Variants in OR2T11 observed in about 807,000 individuals in gnomAD.
OR2T11 encodes the protein olfactory receptor 2T11.
In OR2T11, 14 loss-of-function variants were observed where a neutral mutation model predicts 13.5. The ratio of observed to expected loss-of-function variants is 1.04; its 90% CI spans 0.69 to 1.62. OR2T11 has a LOEUF of 1.62. Among genes scored for constraint, OR2T11 ranks in the 40% most tolerant of loss-of-function variants. The pLI is 0.00. For synonymous variants in OR2T11, 163 were observed against 154.6 expected, an observed-to-expected ratio of 1.05 and a Z score of -0.40; for missense variants, 410 against 389.7, an observed-to-expected ratio of 1.05 and a Z score of -0.44.
chr1:248,631,653 T>C (rs1660617617), intron 1 of OR2T11, among the ~76,000 whole-genome samples: 1 of 143,240 alleles, frequency 7.0e-6, no homozygotes, highest in Non-Finnish European at 1.5e-5. Context: ...CAACATGAAG[T>C]TAATAATTTT....
rs116649410 is a variant in OR2T11, at chr1:248,630,971, G to A, written c.-144-3699C>T. On this transcript the variant is annotated intron_variant, in intron 1 of 1. Transcript: ENST00000641193. The stretch of plus-strand genomic sequence containing the variant: ...CAGAGACGTGATATGAAAACAGGTC[G>A]GAGGGACTCAGTCGGTCTCCGGGTT... 3.0e-3 allele frequency among the ~76,000 whole-genome samples: 434 copies of A among 143,028 alleles called. 70 individuals carry two copies. The highest frequency in any genetic ancestry group is 1.9e-3 in the Non-Finnish European group (126 of 66,204). The allele number at this position is 143,028 out of a possible 152,430, so 93.8% of individuals were successfully genotyped here.
intron 1 of OR2T11, among the ~76,000 whole-genome samples, chr1:248,632,237 T>TG (rs942810869): frequency 7.0e-6 from 1 of 143,772 alleles, no homozygotes; most frequent in African/African-American, 2.7e-5. Flanking sequence ...ATGGTACTAG[T>TG]GATCCTATCA....
chr1:248,625,258 A>G lies in OR2T11; in HGVS notation c.*920T>C, dbSNP rs1212074824. On this transcript the variant is annotated 3_prime_UTR_variant, in exon 2 of 2. Coordinates refer to ENST00000641193, the MANE Select transcript of OR2T11 (RefSeq NM_001001964.2). Reference sequence around the variant, plus strand: ...CTTGTTTCTCATCTCTGAAACCTCAATTGTCTTCCTGTATCCATGTTTGCC... The same window carrying G: ...CTTGTTTCTCATCTCTGAAACCTCAGTTGTCTTCCTGTATCCATGTTTGCC... 7.0e-6 allele frequency: 1 copy of G among 143,150 alleles called. No individual in the cohort carries two copies. Among genetic ancestry groups the G allele is most frequent in the Non-Finnish European group, 1.5e-5 (1 of 66,272 alleles). The allele number at this position is 143,150 out of a possible 1,614,324, so 8.9% of individuals were successfully genotyped here.
rs1371891478 is a variant in OR2T11, at chr1:248,633,344, T to C, written c.-145+1694A>G. 3.5e-5 allele frequency among the ~76,000 whole-genome samples: 5 copies of C among 143,372 alleles called. 1 individual carries two copies. The highest frequency in any genetic ancestry group is 8.3e-5 in the African/African-American group (3 of 36,352). The allele number at this position is 143,372 out of a possible 152,430, so 94.1% of individuals were successfully genotyped here. A position where few individuals can be genotyped will look rare whatever the true frequency, so the allele number is the denominator to read the frequency against. On this transcript the variant is annotated intron_variant, in intron 1 of 1. Transcript: ENST00000641193. ...GAAAAGGTGGCATATTTTCAACCTA[T>C]ATAATCATCTCCTTACAACTGTATT...
chr1:248,627,388 G>A, intron 1 of OR2T11, 116 bp from the exon 2 acceptor site: 3 of 463,780 alleles, frequency 6.5e-6, no homozygotes, highest in East Asian at 3.8e-5. Context: ...TGCTGCTGGA[G>A]GTTATGGTAA....
intron 1 of OR2T11, among the ~76,000 whole-genome samples, chr1:248,631,530 C>A (rs1660614977): frequency 7.0e-6 from 1 of 143,030 alleles, no homozygotes; most frequent in Non-Finnish European, 1.5e-5. Flanking sequence ...AGCATCACTT[C>A]CGTTTACAAC....
chr1:248,630,046 G>A (rs1306999942), intron 1 of OR2T11, among the ~76,000 whole-genome samples: 5 of 143,344 alleles, frequency 3.5e-5, no homozygotes, highest in Non-Finnish European at 6.0e-5. Flanking sequence ...CTAAAGATAC[G>A]ACTGGCACAT....
At position 248,629,351 on chromosome 1, in the gene OR2T11, C is replaced by G. The variant is rs1475383357; in HGVS notation, c.-144-2079G>C. Among the ~76,000 whole-genome samples the G allele has an allele frequency of 4.9e-5, 7 of 142,564 alleles. 1 individual carries two copies. The East Asian group carries it at 1.4e-3, about 29-fold the overall frequency. 93.5% of individuals were successfully genotyped at this position (142,564 alleles called of 152,430 possible). A position where few individuals can be genotyped will look rare whatever the true frequency, so the allele number is the denominator to read the frequency against. ...GAGGTTACAGAGAGCTATGATTGTG[C>G]CACTGCACTCCAGCCTGGGTGACAG... On this transcript the variant is annotated intron_variant, in intron 1 of 1. Transcript: ENST00000641193.
At chr1:248,633,343 A>C (rs1188993820) in intron 1 of OR2T11, among the ~76,000 whole-genome samples, 1 of 143,306 alleles carries the variant, frequency 7.0e-6, no homozygotes, top group Non-Finnish European at 1.5e-5. Flanking sequence ...TTTTCAACCT[A>C]TATAATCATC....
chr1:248,630,071 T>TTC (rs1660583114), intron 1 of OR2T11, among the ~76,000 whole-genome samples: 1 of 137,234 alleles, frequency 7.3e-6, no homozygotes, highest in African/African-American at 2.9e-5. Context: ...AATCTTTGAA[T>TTC]AAATCATTTT....
Position 248,624,488 on chromosome 1 carries a change from T to C in OR2T11, c.*1690A>G, listed in dbSNP as rs1178544302. The C allele has an allele frequency of 2.1e-5, 3 of 143,264 alleles. No homozygotes were observed. Among genetic ancestry groups the C allele is most frequent in the Non-Finnish European group, 3.0e-5 (2 of 66,324 alleles). 8.9% of individuals were successfully genotyped at this position (143,264 alleles called of 1,614,324 possible). A position where few individuals can be genotyped will look rare whatever the true frequency, so the allele number is the denominator to read the frequency against. ...CAACCATAGACTGCACTTGTTGCAG[T>C]TGCTTTTACTTTCTTTAAACACTTT... On this transcript the variant is annotated 3_prime_UTR_variant, in exon 2 of 2. Transcript: ENST00000641193.
In OR2T11 at chr1:248,623,587, T is replaced by G. The variant is rs1452829593; in HGVS notation, c.*2591A>C. On this transcript the variant is annotated 3_prime_UTR_variant, in exon 2 of 2. Coordinates refer to ENST00000641193, the MANE Select transcript of OR2T11 (RefSeq NM_001001964.2). ...ACTTTTAATTGCCCAAAGAGACAAA[T>G]TTATTGAAATAAACAGCTACTGAAC... 7.0e-6 allele frequency: 1 copy of G among 142,960 alleles called. No individual in the cohort carries two copies. Among genetic ancestry groups the G allele is most frequent in the East Asian group, 2.0e-4 (1 of 4,936 alleles). The allele number at this position is 142,960 out of a possible 1,614,324, so 8.9% of individuals were successfully genotyped here. A position where few individuals can be genotyped will look rare whatever the true frequency, so the allele number is the denominator to read the frequency against.
intron 1 of OR2T11, among the ~76,000 whole-genome samples, chr1:248,628,541 A>T (rs191593939): frequency 2.1e-5 from 3 of 141,238 alleles, no homozygotes; most frequent in Non-Finnish European, 4.6e-5. Context: ...TAATCAAAAA[A>T]TGTTTTAGTG....
intron 1 of OR2T11, among the ~76,000 whole-genome samples, chr1:248,632,406 G>A (rs1660626798): frequency 7.3e-6 from 1 of 136,226 alleles, no homozygotes; most frequent in African/African-American, 3.0e-5. Context: ...TATTCTTATG[G>A]TGATGTTTAC....
At chr1:248,632,042 G>A (rs2103103794) in intron 1 of OR2T11, among the ~76,000 whole-genome samples, 1 of 143,808 alleles carries the variant, frequency 7.0e-6, no homozygotes, top group South Asian at 2.2e-4. Flanking sequence ...TATATTTAAG[G>A]TAATGGATAT....
intron 1 of OR2T11, among the ~76,000 whole-genome samples, chr1:248,632,281 AT>A (rs201636061): frequency 3.5e-5 from 5 of 143,188 alleles, no homozygotes; most frequent in African/African-American, 8.2e-5. Flanking sequence ...AATTATGATA[AT>A]TTTTTTCAAC....
intron 1 of OR2T11, among the ~76,000 whole-genome samples, chr1:248,630,027 T>C (rs1438959225): frequency 1.5e-5 from 2 of 137,564 alleles, no homozygotes; most frequent in Non-Finnish European, 3.1e-5. Context: ...TTAACTGTAC[T>C]CTCACCATCT....
chr1:248,625,337 G>C lies in OR2T11; in HGVS notation c.*841C>G, dbSNP rs1384608251. The C allele has an allele frequency of 7.0e-5, 10 of 143,620 alleles. 2 individuals carry two copies. The highest frequency in any genetic ancestry group is 2.7e-4 in the African/African-American group (10 of 36,454). 8.9% of individuals were successfully genotyped at this position (143,620 alleles called of 1,614,324 possible). On this transcript the variant is annotated 3_prime_UTR_variant, in exon 2 of 2. Coordinates refer to ENST00000641193, the MANE Select transcript of OR2T11 (RefSeq NM_001001964.2). ...ATAGTGATGCTTTAAAAACGTGTCTGTTATCATGTAACACCCGCATGGAAA... is the reference window on the plus strand; with the variant it reads ...ATAGTGATGCTTTAAAAACGTGTCTCTTATCATGTAACACCCGCATGGAAA...
Position 248,626,977 on chromosome 1 carries a change from C to A in OR2T11, c.152G>T (p.Arg51Leu), listed in dbSNP as rs376054636. 6 of 1,571,208 alleles carry A rather than the reference C, an allele frequency of 3.8e-6. 1 individual carries two copies. In the African/African-American group the frequency reaches 7.5e-5, roughly 20 times the overall value. ...VMIFLIQVDS[R>L]LHTPMYFLLS... ...CAGAAAGTACATGGGGGTGTGGAGG[C>A]GAGAGTCCACCTGAATCAAGAATAT... The change falls in exon 2 of 2, where the codon CGC becomes CTC. Residue 51 changes from arginine to leucine, a missense_variant. Coordinates refer to ENST00000641193, the MANE Select transcript of OR2T11 (RefSeq NM_001001964.2).
Sources: allele counts gnomAD v4.1 joint callset (sites outside exome capture counted in the v4.1 genomes callset), GRCh38; gene constraint gnomAD v4.1.1; transcripts MANE v1.5; gene names NCBI Gene and HGNC (gene_info 2026-07-23, HGNC 2026-07-21).